The following CADPS2 variants were observed in gnomAD, a reference collection of about 807,000 sequenced individuals.
CADPS2 encodes the protein calcium-dependent secretion activator 2.
In CADPS2, 93 loss-of-function variants were observed where a neutral mutation model predicts 172.5. The ratio of observed to expected loss-of-function variants is 0.54; its 90% confidence interval spans 0.46 to 0.64. The LOEUF (loss-of-function observed/expected upper bound fraction) is 0.64. Among genes scored for constraint, CADPS2 ranks in the 30% least tolerant of loss-of-function variants. The pLI is 0.00. For missense variants in CADPS2, 1,420 were observed against 1,565.9 expected, an observed-to-expected ratio of 0.91 and a Z score of 1.57; for synonymous variants, 546 against 555.2, an observed-to-expected ratio of 0.98 and a Z score of 0.23.
chr7:122,545,917 G>T (rs901469820), intron 8 of CADPS2, among the ~76,000 whole-genome samples: 3 of 152,058 alleles, frequency 2.0e-5, no homozygotes, highest in African/African-American at 4.8e-5. Flanking sequence ...ATGTGTTTTA[G>T]AAGTATTAAT....
chr7:122,716,736 C>T (rs1157726028), intron 2 of CADPS2, among the ~76,000 whole-genome samples: 1 of 152,158 alleles, frequency 6.6e-6, no homozygotes, highest in East Asian at 1.9e-4. Context: ...TCCTTCCAGC[C>T]TCATCTACCA....
chr7:122,447,543 A>ATT (rs1159112244), intron 15 of CADPS2, among the ~76,000 whole-genome samples: 6,464 of 89,632 alleles, frequency 0.072, 1,296 homozygotes, highest in East Asian at 0.12. Flanking sequence ...GTTTCGGGGA[A>ATT]TTTTTTTTTT....
intron 2 of CADPS2, among the ~76,000 whole-genome samples, chr7:122,720,389 G>A (rs1488381447): frequency 6.6e-6 from 1 of 151,282 alleles, no homozygotes; most frequent in Non-Finnish European, 1.5e-5. Flanking sequence ...CAGGTACTGT[G>A]AAAGCATAAA....
chr7:122,431,300 TA>T (rs1314308426), intron 17 of CADPS2, among the ~76,000 whole-genome samples: 1 of 152,162 alleles, frequency 6.6e-6, no homozygotes, highest in Non-Finnish European at 1.5e-5. Context: ...AAGAAGTTGT[TA>T]AAATACAAAA....
chr7:122,574,511 T>C (rs1331790993), intron 7 of CADPS2, among the ~76,000 whole-genome samples: 2 of 145,882 alleles, frequency 1.4e-5, no homozygotes, highest in East Asian at 2.0e-4. Context: ...ATGTAGAATG[T>C]TAGTTTCTAA....
Position 122,331,992 on chromosome 7 carries a change from A to T in CADPS2, c.3613-6411T>A, listed in dbSNP as rs560243236. 6 of 152,314 alleles carry T rather than the reference A, an allele frequency of 3.9e-5. No homozygotes were observed. In the South Asian group the frequency reaches 1.2e-3, roughly 32 times the overall value. The allele number at this position is 152,314 out of a possible 1,614,324, so 9.4% of individuals were successfully genotyped here. On this transcript the variant is annotated intron_variant, in intron 28 of 29. Coordinates refer to ENST00000449022, the MANE Select transcript of CADPS2 (RefSeq NM_017954.11). ...GCAGAAGAAAACTAGGAAAAGTGTC[A>T]TTAGCATTTGTGGTCCTTACTGACA...
At chr7:122,765,195 C>T (rs2093508117) in intron 1 of CADPS2, among the ~76,000 whole-genome samples, 1 of 152,140 alleles carries the variant, frequency 6.6e-6, no homozygotes, top group Non-Finnish European at 1.5e-5. Context: ...AGAAGGCTCA[C>T]AGTTATATTT....
At chr7:122,885,291 T>G (rs1267983046) in intron 1 of CADPS2, among the ~76,000 whole-genome samples, 1 of 152,208 alleles carries the variant, frequency 6.6e-6, no homozygotes, top group Admixed American at 6.5e-5. Context: ...AAAAAAGCAT[T>G]TGGAAAGCAT....
At chr7:122,846,357 T>C (rs368316478) in intron 1 of CADPS2, among the ~76,000 whole-genome samples, 12 of 152,320 alleles carry the variant, frequency 7.9e-5, no homozygotes, top group African/African-American at 2.9e-4. Context: ...AAAATCACTG[T>C]AAATACTTTA....
intron 25 of CADPS2, among the ~76,000 whole-genome samples, chr7:122,375,946 A>G (rs2042291267): frequency 6.6e-6 from 1 of 152,154 alleles, no homozygotes; most frequent in Non-Finnish European, 1.5e-5. Flanking sequence ...TACATCTCTA[A>G]TGAACATGTA....
At chr7:122,632,986 A>T (rs920518449) in intron 3 of CADPS2, among the ~76,000 whole-genome samples, 4 of 152,010 alleles carry the variant, frequency 2.6e-5, no homozygotes, top group Admixed American at 2.6e-4. Context: ...TGTTGATTTT[A>T]TCAAAGATCA....
intron 1 of CADPS2, among the ~76,000 whole-genome samples, chr7:122,829,145 T>C (rs1411879658): frequency 6.6e-6 from 1 of 152,164 alleles, no homozygotes; most frequent in African/African-American, 2.4e-5. Context: ...AACAGGTCCA[T>C]TATTGTCAGG....
chr7:122,346,777 G>C (rs575330104), intron 27 of CADPS2, among the ~76,000 whole-genome samples: 4 of 152,276 alleles, frequency 2.6e-5, no homozygotes, highest in African/African-American at 9.6e-5. Context: ...GTACTAGTAA[G>C]GGATAGATGC....
intron 8 of CADPS2, among the ~76,000 whole-genome samples, chr7:122,532,050 C>CA (rs1586914983): frequency 4.0e-5 from 6 of 150,094 alleles, no homozygotes; most frequent in Non-Finnish European, 7.4e-5. Context: ...AAAAACAAAA[C>CA]AAACAAACAA....
chr7:122,553,875 A>G (rs975870415), intron 8 of CADPS2, among the ~76,000 whole-genome samples: 14 of 152,086 alleles, frequency 9.2e-5, no homozygotes, highest in African/African-American at 3.4e-4. Flanking sequence ...TAGTAAGTCC[A>G]AAGTGTTATT....
intron 4 of CADPS2, among the ~76,000 whole-genome samples, chr7:122,628,554 C>T (rs530880193): frequency 4.6e-5 from 7 of 151,576 alleles, no homozygotes; most frequent in African/African-American, 1.7e-4. Flanking sequence ...ACTGCAAGTC[C>T]ATTGAAAAGA....
At chr7:122,401,952 T>C (rs972026785) in intron 20 of CADPS2, among the ~76,000 whole-genome samples, 15 of 152,148 alleles carry the variant, frequency 9.9e-5, no homozygotes, top group Non-Finnish European at 1.8e-4. Flanking sequence ...CCACATTTCA[T>C]CTCCAAGGGT....
In CADPS2 at chr7:122,591,901, A is replaced by C. The variant is rs553947780; in HGVS notation, c.1224-10611T>G. On this transcript the variant is annotated intron_variant, in intron 6 of 29. Coordinates refer to ENST00000449022, the MANE Select transcript of CADPS2 (RefSeq NM_017954.11). The stretch of plus-strand genomic sequence containing the variant: ...TAAAAACCCTAGAAGAAAACCTAGG[A>C]AATACCATTCAGGACATAGGCATGG... 1.9e-3 allele frequency among the ~76,000 whole-genome samples: 287 copies of C among 152,094 alleles called. 1 individual carries two copies. In the East Asian group the frequency reaches 0.027, roughly 14 times the overall value.
intron 3 of CADPS2, among the ~76,000 whole-genome samples, chr7:122,636,462 G>GTTTTTTTT: frequency 1.0e-5 from 1 of 100,188 alleles, no homozygotes; most frequent in Non-Finnish European, 1.9e-5. Flanking sequence ...CACAAGAGAT[G>GTTTTTTTT]TTTTTTTTTT....
Sources: gnomAD v4.1 joint callset for allele counts (sites outside exome capture counted in the v4.1 genomes callset) on GRCh38, gnomAD v4.1.1 for gene constraint, MANE v1.5 for transcripts, NCBI Gene and HGNC (gene_info 2026-07-23, HGNC 2026-07-21) for gene names.